The following CPED1 variants were observed in gnomAD, a reference collection of about 807,000 sequenced individuals.
CPED1 encodes the protein cadherin like and PC-esterase domain containing 1, also known as cadherin-like and PC-esterase domain-containing protein 1.
In CPED1, 114 loss-of-function variants were observed where a neutral mutation model predicts 128.2. The observed-to-expected ratio is 0.89, with a 90% CI of 0.76 to 1.04. CPED1 has a LOEUF of 1.04. CPED1 is among the 50% of genes least tolerant of loss of function. The pLI is 0.00. For synonymous variants in CPED1, 462 were observed against 426.7 expected (o/e 1.08, Z -1.02); for missense variants, 1,211 against 1,207.1 (o/e 1.00, Z -0.05).
chr7:121,170,702 G>A (rs1433284918), intron 16 of CPED1, among the ~76,000 whole-genome samples: 1 of 152,106 alleles, frequency 6.6e-6, no homozygotes, highest in Non-Finnish European at 1.5e-5. Context: ...TGGTATAAAT[G>A]CAATGATGGA....
chr7:121,202,326 C>T (rs751594677), intron 16 of CPED1, among the ~76,000 whole-genome samples: 8 of 152,088 alleles, frequency 5.3e-5, no homozygotes, highest in South Asian at 2.1e-4. Flanking sequence ...CACAAGAATA[C>T]GGCAACCAGT....
At chr7:121,139,957 G>T (rs1795864275) in intron 14 of CPED1, among the ~76,000 whole-genome samples, 1 of 151,768 alleles carries the variant, frequency 6.6e-6, no homozygotes, top group South Asian at 2.1e-4. Context: ...GTTGACAATT[G>T]GAAAGTATTG....
intron 5 of CPED1, among the ~76,000 whole-genome samples, chr7:121,083,225 T>C (rs1794336161): frequency 6.6e-6 from 1 of 152,068 alleles, no homozygotes; most frequent in South Asian, 2.1e-4. Flanking sequence ...GCATAGAAAA[T>C]TTACCAATGC....
chr7:121,106,920 A>G (rs1271242947), intron 7 of CPED1, among the ~76,000 whole-genome samples: 1 of 152,158 alleles, frequency 6.6e-6, no homozygotes, highest in Non-Finnish European at 1.5e-5. Context: ...ACAAGTGTTT[A>G]GAGTAAAAAC....
At chr7:121,066,834 A>G (rs1056284227) in intron 5 of CPED1, among the ~76,000 whole-genome samples, 1 of 152,142 alleles carries the variant, frequency 6.6e-6, no homozygotes, top group Non-Finnish European at 1.5e-5. Context: ...TATTAGGAAA[A>G]ATAGTCTCAC....
chr7:121,278,772 A>G (rs975503888), intron 22 of CPED1, among the ~76,000 whole-genome samples: 4 of 152,162 alleles, frequency 2.6e-5, no homozygotes, highest in African/African-American at 4.8e-5. Flanking sequence ...AATGGTTGTA[A>G]CACCAATTAA....
chr7:121,184,151 A>AG (rs1441962326), intron 16 of CPED1, among the ~76,000 whole-genome samples: 1 of 151,772 alleles, frequency 6.6e-6, no homozygotes, highest in East Asian at 1.9e-4. Flanking sequence ...AAAAAAAAAA[A>AG]AATGTATTTT....
At chr7:121,041,800 G>C (rs114033776) in intron 3 of CPED1, among the ~76,000 whole-genome samples, 2 of 152,158 alleles carry the variant, frequency 1.3e-5, no homozygotes, top group African/African-American at 4.8e-5. Flanking sequence ...AGAACACTTA[G>C]AGAAGGATAA....
intron 5 of CPED1, among the ~76,000 whole-genome samples, chr7:121,096,820 A>G (rs1194527687): frequency 1.3e-5 from 2 of 152,174 alleles, no homozygotes; most frequent in African/African-American, 2.4e-5. Flanking sequence ...GTAGGTATAA[A>G]TAAGCCAGAC....
intron 16 of CPED1, among the ~76,000 whole-genome samples, chr7:121,172,436 A>T (rs1008383904): frequency 6.6e-6 from 1 of 151,666 alleles, no homozygotes; most frequent in Non-Finnish European, 1.5e-5. Context: ...TCATCCTTTA[A>T]TATAGTTAAT....
intron 16 of CPED1, among the ~76,000 whole-genome samples, chr7:121,161,462 C>T (rs1320908002): frequency 1.3e-5 from 2 of 152,190 alleles, no homozygotes; most frequent in East Asian, 1.9e-4. Context: ...ATTTTTCTCT[C>T]TCTGTCTTTC....
chr7:121,017,453 T>C (rs1057420560), intron 3 of CPED1, among the ~76,000 whole-genome samples: 1 of 152,188 alleles, frequency 6.6e-6, no homozygotes, highest in Non-Finnish European at 1.5e-5. Flanking sequence ...GAAAAAAATA[T>C]GAAATGTTTA....
At chr7:121,274,153 A>T (rs1792288675) in intron 22 of CPED1, among the ~76,000 whole-genome samples, 1 of 152,172 alleles carries the variant, frequency 6.6e-6, no homozygotes, top group African/African-American at 2.4e-5. Context: ...AATAATTTCA[A>T]CATGGCTCCA....
intron 3 of CPED1, among the ~76,000 whole-genome samples, chr7:121,028,054 A>C (rs1792640248): frequency 6.6e-6 from 1 of 152,124 alleles, no homozygotes. Flanking sequence ...GTTTTGGCAA[A>C]GCTCTACCAT....
chr7:121,283,897 C>T (rs1439172644), intron 22 of CPED1, among the ~76,000 whole-genome samples: 3 of 152,144 alleles, frequency 2.0e-5, no homozygotes, highest in Non-Finnish European at 4.4e-5. Context: ...TTTCCAAAGC[C>T]CGGGCTCCAA....
chr7:121,102,967 G>A (rs1277693393), intron 7 of CPED1, among the ~76,000 whole-genome samples: 1 of 152,100 alleles, frequency 6.6e-6, no homozygotes, highest in Non-Finnish European at 1.5e-5. Context: ...ACAGGAAACT[G>A]AAGCTCTTAG....
At chr7:121,040,136 A>G (rs1326551360) in intron 3 of CPED1, among the ~76,000 whole-genome samples, 1 of 152,098 alleles carries the variant, frequency 6.6e-6, no homozygotes, top group Non-Finnish European at 1.5e-5. Flanking sequence ...TGGAGCCAGA[A>G]GCATAGCAAG....
intron 12 of CPED1, among the ~76,000 whole-genome samples, chr7:121,132,876 CA>C (rs1443392254): frequency 6.6e-6 from 1 of 151,950 alleles, no homozygotes; most frequent in Non-Finnish European, 1.5e-5. Flanking sequence ...AATAAAACTG[CA>C]AAAAATTATC....
chr7:121,066,244 G>T (rs544573484), intron 5 of CPED1, among the ~76,000 whole-genome samples: 1 of 152,138 alleles, frequency 6.6e-6, no homozygotes, highest in African/African-American at 2.4e-5. Context: ...TTTGGAGGTT[G>T]ACAAAACACA....
Sources: allele counts gnomAD v4.1 joint callset (sites outside exome capture counted in the v4.1 genomes callset), GRCh38; gene constraint gnomAD v4.1.1; transcripts MANE v1.5; gene names NCBI Gene and HGNC (gene_info 2026-07-23, HGNC 2026-07-21).